Variants in TRAIP observed in about 807,000 individuals in gnomAD.
The protein encoded by TRAIP is TRAF interacting protein.
In TRAIP, 37 loss-of-function variants were observed where a neutral mutation model predicts 65.0. The observed-to-expected ratio is 0.57, with a 90% CI of 0.44 to 0.75. The LOEUF is 0.75. Ranked by LOEUF, TRAIP falls within the 30% of genes least tolerant of loss-of-function variation. The probability of loss-of-function intolerance (pLI) is 0.00; values close to 1 mark genes in which losing one functional copy is unlikely to be tolerated. For synonymous variants in TRAIP, 187 were observed against 219.1 expected (o/e 0.85, Z 1.29); for missense variants, 481 against 579.4 (o/e 0.83, Z 1.74).
At chr3:49,846,149 A>ACAG (rs1464256452) in intron 3 of TRAIP, among the ~76,000 whole-genome samples, 2 of 152,032 alleles carry the variant, frequency 1.3e-5, no homozygotes, top group African/African-American at 4.8e-5. Flanking sequence ...CTGAGCTGCA[A>ACAG]CTCTTGATTC....
At chr3:49,855,327 A>G (rs2081961727) in intron 1 of TRAIP, among the ~76,000 whole-genome samples, 1 of 152,056 alleles carries the variant, frequency 6.6e-6, no homozygotes, top group Non-Finnish European at 1.5e-5. Context: ...GCACGCCTGT[A>G]ATGTCAGCTA....
At chr3:49,835,247 A>G (rs2081771803) in intron 10 of TRAIP, among the ~76,000 whole-genome samples, 1 of 152,228 alleles carries the variant, frequency 6.6e-6, no homozygotes, top group Non-Finnish European at 1.5e-5. Context: ...AGCCCTAAAA[A>G]GGAAGAAAAT....
intron 1 of TRAIP, among the ~76,000 whole-genome samples, chr3:49,850,404 C>A (rs1311894414): frequency 6.6e-6 from 1 of 151,240 alleles, no homozygotes; most frequent in African/African-American, 2.4e-5. Context: ...GAGACTAAGG[C>A]AGAAGAATCG....
At chr3:49,838,696 G>A (rs559097120) in intron 10 of TRAIP, among the ~76,000 whole-genome samples, 4 of 152,244 alleles carry the variant, frequency 2.6e-5, no homozygotes, top group African/African-American at 9.6e-5. Flanking sequence ...GACCAGCCTG[G>A]CCAACATGGT....
intron 2 of TRAIP, 145 bp from the exon 3 acceptor site, chr3:49,847,753 G>T: frequency 1.6e-6 from 1 of 637,426 alleles, no homozygotes; most frequent in Middle Eastern, 2.6e-4. Context: ...ATCCTTTAGA[G>T]TCAAAAGACC....
At chr3:49,844,479 C>A (rs1165959700) in intron 4 of TRAIP, 62 bp downstream of exon 4, 2 of 1,585,574 alleles carry the variant, frequency 1.3e-6, no homozygotes, top group Admixed American at 3.4e-5. Context: ...CCTCCTAGGG[C>A]CCCCTTCCTC....
intron 1 of TRAIP, among the ~76,000 whole-genome samples, chr3:49,852,482 G>A (rs997077975): frequency 9.9e-5 from 15 of 151,366 alleles, no homozygotes; most frequent in South Asian, 4.2e-4. Context: ...ACGGCCAGGC[G>A]CGGTGGCTCA....
rs890460414 is a variant in TRAIP, at chr3:49,829,453, G to A, written c.1287+5C>T. The A allele has an allele frequency of 1.9e-6, 3 of 1,614,132 alleles. No homozygotes were observed. The highest frequency in any genetic ancestry group is 1.7e-6 in the Non-Finnish European group (2 of 1,180,028). Reference sequence around the variant, plus strand: ...GCTCAGCTCAACATCACAGGAAAAGGATACAGGCTGGATGAATTTTGTCCG... The same window carrying A: ...GCTCAGCTCAACATCACAGGAAAAGAATACAGGCTGGATGAATTTTGTCCG... On this transcript the variant is annotated splice_donor_5th_base_variant and intron_variant, in intron 14 of 14. Transcript: ENST00000331456.
rs370991598 is a variant in TRAIP at position 49,840,403 on chromosome 3, A to G, written c.706-30T>C. The stretch of plus-strand genomic sequence containing the variant: ...AAGAAAGTGTAGGGAATGAAAGACA[A>G]GCCAAGTGGTAGCCTTGTGCCCTGC... On this transcript the variant is annotated intron_variant, in intron 8 of 14. Coordinates refer to ENST00000331456, the MANE Select transcript of TRAIP (RefSeq NM_005879.3). The G allele has an allele frequency of 5.0e-6, 8 of 1,597,068 alleles. No individual in the cohort carries two copies. In the African/African-American group the frequency reaches 1.1e-4, roughly 21 times the overall value.
intron 1 of TRAIP, among the ~76,000 whole-genome samples, chr3:49,851,622 C>T (rs1001002977): frequency 6.6e-6 from 1 of 152,012 alleles, no homozygotes; most frequent in Middle Eastern, 3.4e-3. Context: ...GTCTTGGACC[C>T]CTGGGCTCAA....
intron 10 of TRAIP, among the ~76,000 whole-genome samples, chr3:49,836,994 G>T (rs1026731188): frequency 1.6e-4 from 19 of 116,134 alleles, no homozygotes; most frequent in Non-Finnish European, 3.3e-5. Context: ...GTCTCACTCT[G>T]TCGCCCAGAC....
chr3:49,856,335 C>T, intron 1 of TRAIP, 21 bp downstream of exon 1: 2 of 1,608,664 alleles, frequency 1.2e-6, no homozygotes, highest in Non-Finnish European at 1.7e-6. Flanking sequence ...AACACCGGGC[C>T]CCAACACTGC....
At position 49,831,986 on chromosome 3, in the gene TRAIP, C is replaced by T; in HGVS notation, c.967G>A (p.Asp323Asn). ...DIDLNATFDV[D>N]TPPARPSSSQ... ...CTGGAGGGCCGGGCTGGGGGAGTAT[C>T]CACATCAAAGGTAGCATTGAGATCA... Residue 323 changes from aspartate to asparagine, a missense_variant, in exon 11 of 15, where the codon GAT becomes AAT. By Grantham distance (23) the Asp-to-Asn change is conservative. Coordinates refer to ENST00000331456, the MANE Select transcript of TRAIP (RefSeq NM_005879.3). 6.2e-7 allele frequency: 1 copy of T among 1,608,092 alleles called. No homozygotes were observed. Among genetic ancestry groups the T allele is most frequent in the Non-Finnish European group, 8.5e-7 (1 of 1,177,276 alleles).
chr3:49,856,494 C>A lies in TRAIP; in HGVS notation c.-41G>T. On this transcript the variant is annotated 5_prime_UTR_variant, in exon 1 of 15. Transcript: ENST00000331456. ...GGGGCCCAGGCAGCCAAAGAAACTG[C>A]TACAGGTCCGGCTTCGTAGACGCGC... is the stretch of plus-strand genomic sequence containing the variant. 1 of 1,578,548 alleles carries A rather than the reference C, an allele frequency of 6.3e-7. No homozygotes were observed. The highest frequency in any genetic ancestry group is 8.7e-7 in the Non-Finnish European group (1 of 1,153,896).
intron 7 of TRAIP, 41 bp from the exon 8 acceptor site, chr3:49,841,113 C>T (rs1255330719): frequency 1.2e-5 from 19 of 1,560,070 alleles, no homozygotes; most frequent in Non-Finnish European, 1.7e-5. Flanking sequence ...AAAAGAACAC[C>T]TGCAGGTCAG....
At chr3:49,841,694 TCAAA>T (rs1387871389) in intron 7 of TRAIP, 128 bp downstream of exon 7, 1 of 672,532 alleles carries the variant, frequency 1.5e-6, no homozygotes, top group African/African-American at 1.8e-5. Context: ...GAATCAGGGT[TCAAA>T]CAAAGGCAGC....
chr3:49,829,854 C>T (rs192574126), intron 12 of TRAIP, 88 bp from the exon 13 acceptor site: 2 of 1,594,234 alleles, frequency 1.3e-6, no homozygotes, highest in South Asian at 2.2e-5. Context: ...ATCAGGATCT[C>T]TGATGCCTCA....
In TRAIP at chr3:49,829,761, G is replaced by A. The variant is rs764977762; in HGVS notation, c.1092C>T (p.Ser364=). 48 of 1,614,082 alleles carry A rather than the reference G, an allele frequency of 3.0e-5. 1 individual carries two copies. The South Asian group carries it at 5.3e-4, about 18-fold the overall frequency. Residue 364 remains serine (S), a synonymous_variant, in exon 13 of 15, where the codon TCC becomes TCT. Transcript: ENST00000331456. ...AGCTCTGGCCACCCAGTGAGAGCTG[G>A]GACTCCTGCAGGGAAGACCCCAGGG... ...KKICKGPRKE[S]QLSLGGQSCA...
chr3:49,853,574 G>A (rs1480485253), intron 1 of TRAIP, among the ~76,000 whole-genome samples: 2 of 152,124 alleles, frequency 1.3e-5, no homozygotes, highest in African/African-American at 4.8e-5. Flanking sequence ...GGCCAGGCAC[G>A]GTAGCTCACG....
Sources: gnomAD v4.1 joint callset for allele counts (sites outside exome capture counted in the v4.1 genomes callset) on GRCh38, gnomAD v4.1.1 for gene constraint, MANE v1.5 for transcripts, NCBI Gene and HGNC (gene_info 2026-07-23, HGNC 2026-07-21) for gene names.